RBM41: variants seen among roughly 807,000 people sequenced by gnomAD.
RBM41 encodes the protein RNA binding motif protein 41.
RBM41 carries 14 observed loss-of-function variants against 30.8 expected under a neutral mutation model. The observed-to-expected ratio is 0.45, with a 90% CI of 0.30 to 0.71. RBM41 has a LOEUF of 0.71. Among genes scored for constraint, RBM41 ranks in the 30% least tolerant of loss-of-function variants. The probability of loss-of-function intolerance (pLI) is 0.08; values close to 1 mark genes in which losing one functional copy is unlikely to be tolerated. For missense variants in RBM41, 276 were observed against 326.3 expected (o/e 0.85, Z 1.19); for synonymous variants, 120 against 110.1 (o/e 1.09, Z -0.56).
At chrX:107,074,334 T>G (rs1277676559) in intron 6 of RBM41, among the ~76,000 whole-genome samples, 2 of 111,314 alleles carry the variant, frequency 1.8e-5, no homozygotes, top group Non-Finnish European at 3.8e-5. Context: ...GACATCGATT[T>G]TTCTCCCTTG....
At chrX:107,079,170 C>A (rs1921272299) in intron 6 of RBM41, among the ~76,000 whole-genome samples, 1 of 111,703 alleles carries the variant, frequency 9.0e-6, no homozygotes, top group Non-Finnish European at 1.9e-5. Context: ...TGTATTTATA[C>A]TAATCCATGT....
chrX:107,090,105 G>GT (rs1922385024), intron 5 of RBM41, among the ~76,000 whole-genome samples: 2 of 112,197 alleles, frequency 1.8e-5, no homozygotes, highest in South Asian at 7.4e-4. Context: ...GCCGGGCGTG[G>GT]TGGCTCATGC....
intron 6 of RBM41, among the ~76,000 whole-genome samples, chrX:107,084,147 A>C (rs1921811447): frequency 1.8e-5 from 2 of 108,888 alleles, no homozygotes; most frequent in East Asian, 2.8e-4. Flanking sequence ...AAAAAAAAAA[A>C]AACAAATCAA....
chrX:107,090,339 A>C (rs1447786381), intron 5 of RBM41, among the ~76,000 whole-genome samples: 3 of 111,706 alleles, frequency 2.7e-5, no homozygotes, highest in African/African-American at 6.5e-5. Context: ...GCGCCACTGC[A>C]CTGCAGCCTG....
intron 5 of RBM41, 51 bp from the exon 6 acceptor site, chrX:107,088,890 C>A (rs1323171020): frequency 8.8e-7 from 1 of 1,135,538 alleles, no homozygotes; most frequent in African/African-American, 1.8e-5. Context: ...ACCAATACAA[C>A]CTTTGGCAAA....
chrX:107,066,542 G>T lies in RBM41; in HGVS notation c.*985C>A. The stretch of plus-strand genomic sequence containing the variant: ...TCTCAGTTCATCTTCACAACCCAGT[G>T]AGGTAAGTAGCATTATTATCCTCAC... On this transcript the variant is annotated 3_prime_UTR_variant, in exon 8 of 8. Transcript: ENST00000685964. 6.4e-6 allele frequency: 1 copy of T among 156,740 alleles called. No homozygotes were observed. Among genetic ancestry groups the T allele is most frequent in the Non-Finnish European group, 1.1e-5 (1 of 93,357 alleles). The allele number at this position is 156,740 out of a possible 1,213,427, so 12.9% of individuals were successfully genotyped here.
chrX:107,053,120 T>C, the RBM41 span, among the ~76,000 whole-genome samples: 33,781 of 93,425 alleles, frequency 0.36, 4,804 homozygotes, highest in African/African-American at 0.61. Context: ...GTTGTGATAC[T>C]GCCAATGCCA....
chrX:107,080,587 G>GAAACAAAACAAAACA (rs200816405), intron 6 of RBM41, among the ~76,000 whole-genome samples: 2,401 of 106,186 alleles, frequency 0.023, 55 homozygotes, highest in East Asian at 0.11. Flanking sequence ...CTCAAAACAC[G>GAAACAAAACAAAACA]AAACAAAACA....
chrX:107,095,590 C>T (rs1922898004), intron 5 of RBM41, among the ~76,000 whole-genome samples: 1 of 105,471 alleles, frequency 9.5e-6, no homozygotes, highest in South Asian at 4.2e-4. Context: ...AGCAAGACTC[C>T]ATCTAAAAAA....
rs139434627 is a variant in RBM41 at position 107,068,067 on chromosome X, C to T, written c.1148-374G>A. On this transcript the variant is annotated intron_variant, in intron 7 of 7. Coordinates refer to ENST00000685964, the MANE Select transcript of RBM41 (RefSeq NM_001324242.2). ...TCAATCATTTTCAAAATGAGTAACA[C>T]AAAAGAAGTTATCATGTTATCAAGG... Among the ~76,000 whole-genome samples, 551 of 111,542 alleles carry T rather than the reference C, an allele frequency of 4.9e-3. 3 individuals are homozygous for T. Among genetic ancestry groups the T allele is most frequent in the Non-Finnish European group, 7.8e-3 (415 of 52,994 alleles).
intron 6 of RBM41, among the ~76,000 whole-genome samples, chrX:107,077,573 AACACAC>A (rs35841168): frequency 2.7e-4 from 25 of 92,689 alleles, no homozygotes; most frequent in South Asian, 1.7e-3. Context: ...CAACATACAT[AACACAC>A]ACACACACAC....
intron 5 of RBM41, among the ~76,000 whole-genome samples, chrX:107,110,275 T>C (rs773770536): frequency 9.0e-6 from 1 of 111,373 alleles, no homozygotes; most frequent in African/African-American, 3.2e-5. Flanking sequence ...TAGGAAAATA[T>C]CTTTTTCATG....
chrX:107,118,315 C>T (rs1055324372), intron 1 of RBM41, among the ~76,000 whole-genome samples: 1 of 109,516 alleles, frequency 9.1e-6, no homozygotes, highest in Admixed American at 9.7e-5. Context: ...GTTTCGGGGC[C>T]CAAGCAAGTA....
At chrX:107,104,899 A>C (rs908170322) in intron 5 of RBM41, among the ~76,000 whole-genome samples, 1 of 111,171 alleles carries the variant, frequency 9.0e-6, no homozygotes, top group African/African-American at 3.3e-5. Flanking sequence ...TGACAGACCC[A>C]CAGCCAATAT....
At chrX:107,087,772 T>G (rs1042042376) in intron 6 of RBM41, among the ~76,000 whole-genome samples, 1 of 111,150 alleles carries the variant, frequency 9.0e-6, no homozygotes, top group African/African-American at 3.3e-5. Context: ...CCCAGCTAAT[T>G]TTTGTATTTT....
At position 107,067,712 on chromosome X, in the gene RBM41, A is replaced by T; in HGVS notation, c.1148-19T>A. On this transcript the variant is annotated intron_variant, in intron 7 of 7. Coordinates refer to ENST00000685964, the MANE Select transcript of RBM41 (RefSeq NM_001324242.2). ...TCCTTATCTAAAAGAGAAAGAAAAA[A>T]TTTCAATTTACATAGGACTTAATAA... The T allele has an allele frequency of 8.5e-7, 1 of 1,182,154 alleles. No homozygotes were observed. The highest frequency in any genetic ancestry group is 1.1e-6 in the Non-Finnish European group (1 of 882,906).
intron 6 of RBM41, among the ~76,000 whole-genome samples, chrX:107,077,925 T>G (rs761740688): frequency 8.9e-6 from 1 of 111,831 alleles, no homozygotes; most frequent in Non-Finnish European, 1.9e-5. Flanking sequence ...ATTAATGTAA[T>G]GTAATGTAAC....
Position 107,067,177 on chromosome X carries a change from A to G in RBM41, c.*350T>C. On this transcript the variant is annotated 3_prime_UTR_variant, in exon 8 of 8. Coordinates refer to ENST00000685964, the MANE Select transcript of RBM41 (RefSeq NM_001324242.2). ...TAGTTTTTTATTTCTGTGTATACGA[A>G]GCAGTCTAAGAAAGAATGTTATCTC... The G allele has an allele frequency of 6.5e-6, 5 of 764,425 alleles. No individual in the cohort carries two copies. The highest frequency in any genetic ancestry group is 7.8e-6 in the Non-Finnish European group (5 of 644,513). The allele number at this position is 764,425 out of a possible 1,213,427, so 63.0% of individuals were successfully genotyped here.
rs747957967 is a variant in RBM41 at position 107,063,487 on chromosome X, C to A, written c.*4040G>T. Among the ~76,000 whole-genome samples, 9 of 111,945 alleles carry A rather than the reference C, an allele frequency of 8.0e-5. No homozygotes were observed. The highest frequency in any genetic ancestry group is 2.9e-4 in the African/African-American group (9 of 30,900). ...ATTTAAGAAGCTATTTCAGCCTGGG[C>A]TCTTCTTTGTGGGTATCTTTTCAAA... On this transcript the variant is annotated 3_prime_UTR_variant, in exon 8 of 8. Transcript: ENST00000685964.
Sources: allele counts gnomAD v4.1 joint callset (sites outside exome capture counted in the v4.1 genomes callset), GRCh38; gene constraint gnomAD v4.1.1; transcripts MANE v1.5; gene names NCBI Gene and HGNC (gene_info 2026-07-23, HGNC 2026-07-21).